ENAH: variants seen among roughly 807,000 people sequenced by gnomAD.
ENAH encodes protein enabled homolog.
Under a neutral mutation model 78.7 loss-of-function variants are expected in ENAH, and 23 were observed. The ratio of observed to expected loss-of-function variants is 0.29; its 90% confidence interval spans 0.21 to 0.41. The LOEUF is 0.41. ENAH is among the 10% of genes least tolerant of loss of function. ENAH has a pLI of 1.00. For missense variants in ENAH, 544 were observed against 691.0 expected, an observed-to-expected ratio of 0.79 and a Z score of 2.39; for synonymous variants, 226 against 241.0, an observed-to-expected ratio of 0.94 and a Z score of 0.58.
chr1:225,584,158 C>CA (rs1397335045), intron 1 of ENAH, among the ~76,000 whole-genome samples: 1 of 151,860 alleles, frequency 6.6e-6, no homozygotes, highest in East Asian at 1.9e-4. Flanking sequence ...GTTTCAAAAA[C>CA]AAAAAAGGTA....
At chr1:225,561,440 G>GGT (rs903825095) in intron 2 of ENAH, among the ~76,000 whole-genome samples, 2 of 149,666 alleles carry the variant, frequency 1.3e-5, no homozygotes, top group African/African-American at 4.9e-5. Context: ...TGGCCAACAT[G>GGT]GTGAAACCCT....
chr1:225,497,058 G>C lies in ENAH; in HGVS notation c.*717C>G, dbSNP rs1375946323. ...GAAGTCATAGATTTGGTAAAGCATTGTAACAATTTAGGAAGGCATCTAAAT... is the reference window on the plus strand; with the variant it reads ...GAAGTCATAGATTTGGTAAAGCATTCTAACAATTTAGGAAGGCATCTAAAT... On this transcript the variant is annotated 3_prime_UTR_variant, in exon 14 of 14. Coordinates refer to ENST00000366843, the MANE Select transcript of ENAH (RefSeq NM_018212.6). 6.6e-6 allele frequency: 1 copy of C among 152,604 alleles called. No individual in the cohort carries two copies. Among genetic ancestry groups the C allele is most frequent in the South Asian group, 2.1e-4 (1 of 4,836 alleles). The allele number at this position is 152,604 out of a possible 1,614,324, so 9.5% of individuals were successfully genotyped here.
At chr1:225,614,128 G>A (rs1352643942) in intron 1 of ENAH, among the ~76,000 whole-genome samples, 5 of 150,838 alleles carry the variant, frequency 3.3e-5, no homozygotes, top group Non-Finnish European at 7.4e-5. Context: ...GCACAATCTC[G>A]GCTCACTGCA....
chr1:225,630,777 A>T (rs1558936392), intron 1 of ENAH, among the ~76,000 whole-genome samples: 1 of 152,202 alleles, frequency 6.6e-6, no homozygotes, highest in Non-Finnish European at 1.5e-5. Context: ...TTCATAAATA[A>T]ATTTAAAAAT....
intron 7 of ENAH, among the ~76,000 whole-genome samples, chr1:225,513,669 C>CT (rs906857671): frequency 2.0e-5 from 3 of 152,152 alleles, no homozygotes; most frequent in African/African-American, 7.2e-5. Context: ...GCTTGTGTCT[C>CT]TGAGTTACTC....
Position 225,519,261 on chromosome 1 carries a change from G to T in ENAH, c.739C>A (p.Arg247=), listed in dbSNP as rs1320924962. Residue 247 remains arginine, a synonymous_variant, in exon 5 of 14, where the codon CGA becomes AGA. Transcript: ENST00000366843. ...RLERERQERE[R]QEQLEREQLE... ...TGTTCCCTTTCTAACTGCTCTTGTC[G>T]CTCCCTTTCTTGCCTCTCCCGTTCC... is the stretch of plus-strand genomic sequence containing the variant. 6.2e-7 allele frequency: 1 copy of T among 1,613,998 alleles called. No homozygotes were observed. The highest frequency in any genetic ancestry group is 2.2e-5 in the East Asian group (1 of 44,872).
intron 1 of ENAH, among the ~76,000 whole-genome samples, chr1:225,601,755 T>C (rs530348863): frequency 6.6e-6 from 1 of 151,966 alleles, no homozygotes; most frequent in East Asian, 1.9e-4. Context: ...CAATAATTTT[T>C]ATAAATATTC....
chr1:225,523,152 G>A (rs1371833770), intron 4 of ENAH, among the ~76,000 whole-genome samples: 1 of 151,842 alleles, frequency 6.6e-6, no homozygotes, highest in Non-Finnish European at 1.5e-5. Flanking sequence ...ACATGATAAT[G>A]TAAATACTGC....
In ENAH at chr1:225,530,650, G is replaced by A; in HGVS notation, c.350-12C>T. 6.3e-7 allele frequency: 1 copy of A among 1,594,604 alleles called. No homozygotes were observed. Among genetic ancestry groups the A allele is most frequent in the Non-Finnish European group, 8.6e-7 (1 of 1,162,646 alleles). On this transcript the variant is annotated splice_polypyrimidine_tract_variant and intron_variant, in intron 3 of 13. Coordinates refer to ENST00000366843, the MANE Select transcript of ENAH (RefSeq NM_018212.6). ...AGGCAATGTTGGCCCTACAGAGGGA[G>A]AAAACATTACAGATGAACATTATTT...
intron 4 of ENAH, among the ~76,000 whole-genome samples, chr1:225,526,340 T>C (rs1022758662): frequency 7.6e-5 from 11 of 145,640 alleles, no homozygotes; most frequent in East Asian, 2.0e-4. Flanking sequence ...CTCTCTCTCT[T>C]TTTTTTTTTT....
intron 1 of ENAH, among the ~76,000 whole-genome samples, chr1:225,631,914 T>C (rs1021073930): frequency 6.6e-6 from 1 of 152,228 alleles, no homozygotes. Flanking sequence ...TTATAATTTA[T>C]AAGAAAAGAC....
intron 4 of ENAH, among the ~76,000 whole-genome samples, chr1:225,525,050 C>T (rs529086161): frequency 6.6e-6 from 1 of 152,180 alleles, no homozygotes; most frequent in Admixed American, 6.5e-5. Context: ...AACAGTAATC[C>T]TCTTACTAAC....
chr1:225,567,448 A>G (rs746179124), intron 1 of ENAH, 34 bp from the exon 2 acceptor site: 1 of 1,584,822 alleles, frequency 6.3e-7, no homozygotes, highest in South Asian at 1.1e-5. Flanking sequence ...TCAAACTTGC[A>G]ATATTTAAAA....
intron 4 of ENAH, among the ~76,000 whole-genome samples, chr1:225,521,962 A>G (rs2096472321): frequency 6.6e-6 from 1 of 151,886 alleles, no homozygotes; most frequent in Non-Finnish European, 1.5e-5. Context: ...TGCCCGGCTA[A>G]TTTTTTGTAT....
At chr1:225,547,921 T>C (rs536846511) in intron 3 of ENAH, among the ~76,000 whole-genome samples, 109 of 152,270 alleles carry the variant, frequency 7.2e-4, no homozygotes, top group African/African-American at 2.5e-3. Flanking sequence ...ACACACCCAA[T>C]ACAGTATGTT....
rs2096446113 is a variant in ENAH, at chr1:225,519,198, C to T, written c.802G>A (p.Ala268Thr). Residue 268 changes from alanine to threonine, a missense_variant and splice_region_variant, in exon 5 of 14, where the codon GCT (alanine) becomes ACT (threonine). Physicochemically the swap from Ala to Thr is moderately conservative, Grantham distance 58. This residue lies in a region of ENAH where 366 missense variants were observed against 396.1 expected (regional missense o/e 0.92). Coordinates refer to ENST00000366843, the MANE Select transcript of ENAH (RefSeq NM_018212.6). The part of the protein sequence containing the change: ...WERERRISSA[A>T]APASVETPLN... ...ACAGAAGAGTTTGTAAACTTCTTAC[C>T]AGCACTTGATATTCTGCGCTCTCTC... 1 of 1,613,144 alleles carries T rather than the reference C, an allele frequency of 6.2e-7. No individual in the cohort carries two copies.
At chr1:225,641,020 C>G (rs191114053) in intron 1 of ENAH, among the ~76,000 whole-genome samples, 1,517 of 151,458 alleles carry the variant, frequency 0.01, 22 homozygotes, top group Middle Eastern at 0.024. Flanking sequence ...CCCGCCACCA[C>G]GCCTGACTAA....
chr1:225,608,917 T>C (rs1390651095), intron 1 of ENAH, among the ~76,000 whole-genome samples: 1 of 151,528 alleles, frequency 6.6e-6, no homozygotes, highest in East Asian at 1.9e-4. Context: ...GAGTAATGCC[T>C]TCAAAATTTT....
chr1:225,645,760 C>T (rs967000798), intron 1 of ENAH, among the ~76,000 whole-genome samples: 2 of 152,124 alleles, frequency 1.3e-5, no homozygotes, highest in Non-Finnish European at 2.9e-5. Flanking sequence ...CTCAACAGCT[C>T]TATAATTCAC....
Sources: allele counts gnomAD v4.1 joint callset (sites outside exome capture counted in the v4.1 genomes callset), GRCh38; gene constraint gnomAD v4.1.1; regional missense constraint gnomAD v4.1.1; transcripts MANE v1.5; gene names NCBI Gene and HGNC (gene_info 2026-07-23, HGNC 2026-07-21).